Variants in IKBKB observed in about 807,000 individuals in gnomAD.
IKBKB encodes the protein inhibitor of nuclear factor kappa-B kinase subunit beta.
IKBKB carries 42 observed loss-of-function variants against 113.6 expected under a neutral mutation model. That is an observed-to-expected ratio of 0.37 (90% CI 0.29 to 0.48). The LOEUF (loss-of-function observed/expected upper bound fraction) is 0.48, where lower values mean the gene tolerates loss of function less well. IKBKB is among the 20% of genes least tolerant of loss of function. IKBKB has a pLI of 0.99. For synonymous variants in IKBKB, 296 were observed against 361.3 expected (o/e 0.82, Z 2.05); for missense variants, 673 against 939.7 (o/e 0.72, Z 3.71).
Position 42,293,511 on chromosome 8 carries a change from T to C in IKBKB, c.387T>C (p.Ile129=). 5.6e-6 allele frequency: 9 copies of C among 1,614,124 alleles called. No homozygotes were observed. The highest frequency in any genetic ancestry group is 7.6e-6 in the Non-Finnish European group (9 of 1,180,026). ...EGAILTLLSD[I]ASALRYLHEN... is the part of the protein sequence containing the mutation. Reference sequence around the variant, plus strand: ...CCATCCTCACCTTGCTGAGTGACATTGGTAAATCCCAGTCCCGGAATTCAG... The same window carrying C: ...CCATCCTCACCTTGCTGAGTGACATCGGTAAATCCCAGTCCCGGAATTCAG... The change falls in exon 5 of 22, where the codon ATT becomes ATC. Residue 129 remains isoleucine (I), a splice_region_variant and synonymous_variant. Transcript: ENST00000520810.
intron 8 of IKBKB, chr8:42,309,315 G>A (rs931942130): frequency 2.2e-6 from 1 of 462,598 alleles, no homozygotes; most frequent in South Asian, 2.3e-5. Flanking sequence ...TAAGACTATT[G>A]TATGAATATA....
At chr8:42,276,818 C>T (rs1257400196) in intron 2 of IKBKB, among the ~76,000 whole-genome samples, 2 of 150,910 alleles carry the variant, frequency 1.3e-5, no homozygotes, top group Admixed American at 1.3e-4. Flanking sequence ...CCTCAGCCTC[C>T]TGAGTAGCTG....
chr8:42,330,560 G>T (rs1821582090), intron 21 of IKBKB, among the ~76,000 whole-genome samples: 1 of 151,808 alleles, frequency 6.6e-6, no homozygotes, highest in African/African-American at 2.4e-5. Context: ...GCCCAGGGTG[G>T]AGTGCAATGG....
Position 42,326,047 on chromosome 8 carries a change from G to A in IKBKB, c.2064G>A (p.Met688Ile). Residue 688 changes from methionine to isoleucine, a missense_variant, in exon 20 of 22, where the codon ATG (methionine) becomes ATA (isoleucine). This residue lies in a region of IKBKB where 506 missense variants were observed against 638.7 expected (regional missense o/e 0.79). Coordinates refer to ENST00000520810, the MANE Select transcript of IKBKB (RefSeq NM_001556.3). ...ASRLSQPGQL[M>I]SQPSTASNSL... ...GACTTAGCCAGCCTGGGCAGCTGAT[G>A]TCTCAGCCCTCCACGGCCTCCAACA... 6 of 1,614,256 alleles carry A rather than the reference G, an allele frequency of 3.7e-6. No individual in the cohort carries two copies. The highest frequency in any genetic ancestry group is 5.1e-6 in the Non-Finnish European group (6 of 1,180,048).
chr8:42,324,343 C>T (rs1820322825), intron 19 of IKBKB, among the ~76,000 whole-genome samples: 3 of 152,304 alleles, frequency 2.0e-5, no homozygotes, highest in African/African-American at 7.2e-5. Context: ...CAGTTCACTG[C>T]AACCTCCACC....
Sources: allele counts gnomAD v4.1 joint callset (sites outside exome capture counted in the v4.1 genomes callset), GRCh38; gene constraint gnomAD v4.1.1; regional missense constraint gnomAD v4.1.1; transcripts MANE v1.5; gene names NCBI Gene and HGNC (gene_info 2026-07-23, HGNC 2026-07-21).